Variants in TANGO6 observed in about 807,000 individuals in gnomAD.
The protein encoded by TANGO6 is transport and golgi organization 6 homolog, also known as transport and Golgi organization protein 6 homolog.
In TANGO6, 90 loss-of-function variants were observed where a neutral mutation model predicts 114.2. That is an observed-to-expected ratio of 0.79 (90% confidence interval 0.66 to 0.94). The LOEUF is 0.94. TANGO6 is among the 40% of genes least tolerant of loss of function. TANGO6 has a pLI of 0.00. For synonymous variants in TANGO6, 477 were observed against 509.8 expected, an observed-to-expected ratio of 0.94 and a Z score of 0.87; for missense variants, 1,274 against 1,315.3, an observed-to-expected ratio of 0.97 and a Z score of 0.49.
chr16:69,039,711 C>T (rs1959745096), intron 16 of TANGO6, among the ~76,000 whole-genome samples: 1 of 152,202 alleles, frequency 6.6e-6, no homozygotes, highest in South Asian at 2.1e-4. Flanking sequence ...TTCAGGAAGT[C>T]TCTGAAAGTG....
chr16:68,998,603 C>A (rs189148952), intron 15 of TANGO6, among the ~76,000 whole-genome samples: 1 of 151,722 alleles, frequency 6.6e-6, no homozygotes, highest in East Asian at 2.0e-4. Flanking sequence ...TGGTGGTGGA[C>A]AACTGTAGTC....
At chr16:68,943,456 T>C (rs1963377721) in intron 14 of TANGO6, among the ~76,000 whole-genome samples, 1 of 150,688 alleles carries the variant, frequency 6.6e-6, no homozygotes. Context: ...CTCCGCCTCC[T>C]GGGTTCACAC....
chr16:68,912,295 C>G (rs535832480), intron 11 of TANGO6, among the ~76,000 whole-genome samples: 158 of 152,084 alleles, frequency 1.0e-3, no homozygotes, highest in Non-Finnish European at 1.8e-3. Context: ...CCCACGAGTT[C>G]GAGACCAGCC....
chr16:68,955,325 A>G (rs778615247), intron 14 of TANGO6, among the ~76,000 whole-genome samples: 1 of 152,208 alleles, frequency 6.6e-6, no homozygotes, highest in Admixed American at 6.5e-5. Context: ...TGTATCTATT[A>G]TTTGTCTTGC....
At chr16:68,991,223 A>C (rs146387312) in intron 15 of TANGO6, among the ~76,000 whole-genome samples, 2 of 152,332 alleles carry the variant, frequency 1.3e-5, no homozygotes, top group African/African-American at 4.8e-5. Context: ...TAGACTTGCC[A>C]TGATGGCCAT....
intron 17 of TANGO6, among the ~76,000 whole-genome samples, chr16:69,079,949 A>T (rs1160204767): frequency 2.0e-5 from 3 of 152,210 alleles, no homozygotes; most frequent in Admixed American, 1.3e-4. Context: ...CACTGGGCAC[A>T]GTGGCTTATG....
intron 17 of TANGO6, among the ~76,000 whole-genome samples, chr16:69,057,102 C>T (rs1279823565): frequency 7.0e-6 from 1 of 142,530 alleles, no homozygotes; most frequent in Non-Finnish European, 1.5e-5. Context: ...CATGGGTTCA[C>T]GTCCCAGGTT....
chr16:68,919,333 C>A, intron 12 of TANGO6, 114 bp downstream of exon 12: 1 of 1,323,994 alleles, frequency 7.6e-7, no homozygotes, highest in Non-Finnish European at 1.0e-6. Flanking sequence ...CATAGGAGAA[C>A]CTAGATAAAG....
intron 7 of TANGO6, among the ~76,000 whole-genome samples, chr16:68,889,154 G>C (rs903298468): frequency 2.6e-5 from 4 of 152,134 alleles, no homozygotes; most frequent in Admixed American, 1.3e-4. Flanking sequence ...GCAGTTTTAG[G>C]TTCACAGAAA....
intron 17 of TANGO6, among the ~76,000 whole-genome samples, chr16:69,054,425 A>G (rs762882887): frequency 6.6e-6 from 1 of 151,824 alleles, no homozygotes; most frequent in African/African-American, 2.4e-5. Context: ...GGTGCCATCA[A>G]CTCCTGAAAT....
At chr16:68,999,200 G>A (rs1720338711) in intron 15 of TANGO6, among the ~76,000 whole-genome samples, 1 of 152,142 alleles carries the variant, frequency 6.6e-6, no homozygotes, top group South Asian at 2.1e-4. Flanking sequence ...ACTTGTATAA[G>A]CCTTGAGTCC....
chr16:68,960,533 C>T (rs187004737), intron 14 of TANGO6, among the ~76,000 whole-genome samples: 13 of 151,950 alleles, frequency 8.6e-5, no homozygotes, highest in Admixed American at 2.6e-4. Flanking sequence ...GACAGAGTCT[C>T]GCTCTGTCAC....
rs962235474 is a variant in TANGO6 at position 69,020,942 on chromosome 16, G to GT, written c.2843-1886_2843-1885insT. ...TGTGTGTGTGTGTGTGTGTGTGTGT[G>GT]GTGTGTGTGTGTATGCGGAATCTTC... On this transcript the variant is annotated intron_variant, in intron 15 of 17. Transcript: ENST00000261778. Among the ~76,000 whole-genome samples, 271 of 126,692 alleles carry GT rather than the reference G, an allele frequency of 2.1e-3. 1 individual carries two copies. Among genetic ancestry groups the GT allele is most frequent in the African/African-American group, 8.1e-3 (248 of 30,492 alleles). The allele number at this position is 126,692 out of a possible 152,430, so 83.1% of individuals were successfully genotyped here.
At chr16:68,955,672 G>A (rs1963522304) in intron 14 of TANGO6, among the ~76,000 whole-genome samples, 1 of 152,296 alleles carries the variant, frequency 6.6e-6, no homozygotes, top group South Asian at 2.1e-4. Context: ...TACTTGTTTA[G>A]CATGATAGAA....
At chr16:68,857,011 A>G (rs1189860669) in intron 1 of TANGO6, among the ~76,000 whole-genome samples, 1 of 152,282 alleles carries the variant, frequency 6.6e-6, no homozygotes, top group African/African-American at 2.4e-5. Flanking sequence ...CAGGAGGCTG[A>G]GGCCGGAGAA....
rs1469753099 is a variant in TANGO6 at position 69,030,645 on chromosome 16, T to A, written c.2994+7666T>A. ...ACAGCAAGAATCAAGCATTGCTTAT[T>A]TAGCCTTTGGAAATGAAGTGCAAAT... On this transcript the variant is annotated intron_variant, in intron 16 of 17. Transcript: ENST00000261778. Among the ~76,000 whole-genome samples, 2 of 152,070 alleles carry A rather than the reference T, an allele frequency of 1.3e-5. 1 individual carries two copies. Among genetic ancestry groups the A allele is most frequent in the Admixed American group, 1.3e-4 (2 of 15,244 alleles).
intron 16 of TANGO6, among the ~76,000 whole-genome samples, chr16:69,040,082 G>A (rs920332209): frequency 6.6e-6 from 1 of 151,990 alleles, no homozygotes; most frequent in Admixed American, 6.6e-5. Flanking sequence ...CTCTAATCTC[G>A]TTCTTGAATT....
At chr16:68,877,510 T>G (rs1471924025) in intron 5 of TANGO6, among the ~76,000 whole-genome samples, 1 of 151,792 alleles carries the variant, frequency 6.6e-6, no homozygotes, top group Non-Finnish European at 1.5e-5. Flanking sequence ...GGAGGGAGTT[T>G]TCTTAATATT....
chr16:69,014,895 CAAA>C (rs201424773), intron 15 of TANGO6, among the ~76,000 whole-genome samples: 11 of 97,212 alleles, frequency 1.1e-4, no homozygotes, highest in East Asian at 6.1e-4. Flanking sequence ...GACCTTGTCT[CAAA>C]AAAAAAAAAA....
Sources: allele counts gnomAD v4.1 joint callset (sites outside exome capture counted in the v4.1 genomes callset), GRCh38; gene constraint gnomAD v4.1.1; transcripts MANE v1.5; gene names NCBI Gene and HGNC (gene_info 2026-07-23, HGNC 2026-07-21).